The following THRB variants were observed in gnomAD, a reference collection of about 807,000 sequenced individuals.
The protein encoded by THRB is thyroid hormone receptor beta.
THRB carries 12 observed loss-of-function variants against 47.8 expected under a neutral mutation model. The observed-to-expected ratio is 0.25, with a 90% confidence interval of 0.16 to 0.41. The LOEUF (loss-of-function observed/expected upper bound fraction) is 0.41. Ranked by LOEUF, THRB falls within the 10% of genes least tolerant of loss-of-function variation. The pLI is 1.00. For missense variants in THRB, 348 were observed against 589.2 expected (o/e 0.59, Z 4.24); for synonymous variants, 218 against 212.2 (o/e 1.03, Z -0.24).
chr3:24,183,665 G>A (rs1439739920), intron 5 of THRB, among the ~76,000 whole-genome samples: 7 of 148,354 alleles, frequency 4.7e-5, no homozygotes, highest in South Asian at 2.1e-4. Context: ...GAGCGACGGC[G>A]CCTGGCCTTT....
At chr3:24,417,175 GC>G (rs1223715061) in intron 1 of THRB, among the ~76,000 whole-genome samples, 2 of 151,266 alleles carry the variant, frequency 1.3e-5, no homozygotes, top group Non-Finnish European at 3.0e-5. Context: ...CTGACTGGAT[GC>G]CCCCCTATTA....
At chr3:24,244,141 G>A (rs1324506938) in intron 3 of THRB, among the ~76,000 whole-genome samples, 2 of 152,046 alleles carry the variant, frequency 1.3e-5, no homozygotes, top group Non-Finnish European at 2.9e-5. Flanking sequence ...ATCCTTTTGG[G>A]GTGGATGAAG....
chr3:24,379,828 T>A (rs542961068), intron 1 of THRB, among the ~76,000 whole-genome samples: 3 of 152,034 alleles, frequency 2.0e-5, no homozygotes, highest in Non-Finnish European at 4.4e-5. Flanking sequence ...TACTTCCAGG[T>A]TCCCCCCTTA....
In THRB at chr3:24,389,690, C is replaced by G. The variant is rs116048239; in HGVS notation, c.-260-52319G>C. Among the ~76,000 whole-genome samples, 608 of 152,212 alleles carry G rather than the reference C, an allele frequency of 4.0e-3. 3 individuals carry two copies. The highest frequency in any genetic ancestry group is 0.014 in the African/African-American group (571 of 41,550). ...AACTGCTTCCTATCTCAATTCCCCC[C>G]CTTTTTTTTTGTCTGCCCCATTCTC... On this transcript the variant is annotated intron_variant, in intron 1 of 10. Transcript: ENST00000646209.
chr3:24,411,605 C>G (rs369897159), intron 1 of THRB, among the ~76,000 whole-genome samples: 1 of 151,674 alleles, frequency 6.6e-6, no homozygotes, highest in South Asian at 2.1e-4. Context: ...AAATTTATTA[C>G]GCTACATGCT....
At chr3:24,141,590 A>G (rs2148983529) in intron 8 of THRB, among the ~76,000 whole-genome samples, 1 of 152,372 alleles carries the variant, frequency 6.6e-6, no homozygotes, top group Middle Eastern at 3.4e-3. Context: ...TTTCTGGCAC[A>G]TAGTATCCAC....
intron 1 of THRB, among the ~76,000 whole-genome samples, chr3:24,487,884 G>T (rs1434205340): frequency 6.6e-6 from 1 of 152,172 alleles, no homozygotes; most frequent in Admixed American, 6.5e-5. Flanking sequence ...TATTTTCTGA[G>T]CACCTGCTTT....
intron 3 of THRB, among the ~76,000 whole-genome samples, chr3:24,269,383 TCACA>T (rs1245058686): frequency 0.011 from 1,109 of 103,788 alleles, 17 homozygotes; most frequent in African/African-American, 0.039. Context: ...TCATCATAGC[TCACA>T]CGCGCGCGCG....
chr3:24,357,374 A>AC (rs2063756829), intron 1 of THRB, among the ~76,000 whole-genome samples: 3 of 104,464 alleles, frequency 2.9e-5, no homozygotes, highest in Non-Finnish European at 4.3e-5. Context: ...AAAAAAAAAA[A>AC]CAAAAAACAA....
intron 1 of THRB, among the ~76,000 whole-genome samples, chr3:24,393,536 A>G (rs1294146045): frequency 6.6e-6 from 1 of 152,164 alleles, no homozygotes. Context: ...CAAGGTCACA[A>G]TACATTCCAT....
intron 1 of THRB, among the ~76,000 whole-genome samples, chr3:24,442,752 A>C (rs1204172258): frequency 2.0e-5 from 3 of 150,904 alleles, no homozygotes; most frequent in African/African-American, 7.3e-5. Context: ...TGAACCTGGG[A>C]GGCAGAGGTT....
At chr3:24,247,479 C>T (rs1458191344) in intron 3 of THRB, among the ~76,000 whole-genome samples, 2 of 152,184 alleles carry the variant, frequency 1.3e-5, no homozygotes, top group Non-Finnish European at 2.9e-5. Context: ...AGAGATGTGA[C>T]TCCCTTGCCC....
intron 1 of THRB, among the ~76,000 whole-genome samples, chr3:24,373,337 G>A (rs2065049839): frequency 6.6e-6 from 1 of 152,196 alleles, no homozygotes; most frequent in Non-Finnish European, 1.5e-5. Flanking sequence ...TGAAGTCAAC[G>A]CAGGCCCTTT....
intron 6 of THRB, among the ~76,000 whole-genome samples, chr3:24,149,901 A>G (rs2036654072): frequency 6.6e-6 from 1 of 152,168 alleles, no homozygotes; most frequent in African/African-American, 2.4e-5. Flanking sequence ...TTCATTGATG[A>G]TTTGTTGGTA....
chr3:24,288,476 CT>C (rs535371313), intron 3 of THRB, among the ~76,000 whole-genome samples: 3 of 151,660 alleles, frequency 2.0e-5, no homozygotes, highest in East Asian at 3.9e-4. Flanking sequence ...TGTGACTGCT[CT>C]TTTTTTTTAA....
chr3:24,292,396 A>G (rs1358812790), intron 3 of THRB, among the ~76,000 whole-genome samples: 1 of 152,166 alleles, frequency 6.6e-6, no homozygotes, highest in Non-Finnish European at 1.5e-5. Flanking sequence ...TAAGTCTTTC[A>G]GTCCCCAGAA....
chr3:24,233,316 T>G (rs1466327912), intron 3 of THRB, among the ~76,000 whole-genome samples: 1 of 151,998 alleles, frequency 6.6e-6, no homozygotes, highest in Non-Finnish European at 1.5e-5. Context: ...CATCTTGGGC[T>G]GCATGGACAG....
chr3:24,209,880 A>C (rs555004986), intron 4 of THRB, among the ~76,000 whole-genome samples: 23 of 152,364 alleles, frequency 1.5e-4, no homozygotes, highest in African/African-American at 5.3e-4. Context: ...AAACATTTCT[A>C]GTAATGAAAG....
At chr3:24,165,444 T>C (rs1360088010) in intron 5 of THRB, 4 of 674,640 alleles carry the variant, frequency 5.9e-6, no homozygotes, top group African/African-American at 5.3e-5. Flanking sequence ...GCTGGGCATA[T>C]ACGCAGAGAA....
Sources: allele counts gnomAD v4.1 joint callset (sites outside exome capture counted in the v4.1 genomes callset), GRCh38; gene constraint gnomAD v4.1.1; transcripts MANE v1.5; gene names NCBI Gene and HGNC (gene_info 2026-07-23, HGNC 2026-07-21).